NRG1: variants seen among roughly 807,000 people sequenced by gnomAD.
The protein encoded by NRG1 is pro-neuregulin-1, membrane-bound isoform.
Under a neutral mutation model 63.8 loss-of-function variants are expected in NRG1, and 18 were observed. That is an observed-to-expected ratio of 0.28 (90% CI 0.19 to 0.42). NRG1 has a LOEUF of 0.42. Ranked by LOEUF, NRG1 falls within the 10% of genes least tolerant of loss-of-function variation. The probability of loss-of-function intolerance (pLI) is 1.00; values close to 1 mark genes in which losing one functional copy is unlikely to be tolerated. For missense variants in NRG1, 762 were observed against 814.7 expected, an observed-to-expected ratio of 0.94 and a Z score of 0.79; for synonymous variants, 302 against 301.3, an observed-to-expected ratio of 1.00 and a Z score of -0.02.
At chr8:32,408,431 C>T (rs1254363519) in intron 1 of NRG1, among the ~76,000 whole-genome samples, 1 of 152,098 alleles carries the variant, frequency 6.6e-6, no homozygotes, top group Non-Finnish European at 1.5e-5. Context: ...GAGTGAGAAG[C>T]CATTCCTCAG....
intron 3 of NRG1, 110 bp from the exon 4 acceptor site, chr8:32,614,404 T>G (rs1205942280): frequency 4.0e-6 from 4 of 1,011,438 alleles, no homozygotes; most frequent in African/African-American, 3.2e-5. Flanking sequence ...CTCACTCCCT[T>G]GCAATACTTC....
At chr8:32,347,492 A>G (rs146611235) in intron 1 of NRG1, among the ~76,000 whole-genome samples, 461 of 152,326 alleles carry the variant, frequency 3.0e-3, no homozygotes, top group African/African-American at 9.8e-3. Flanking sequence ...CAGTAAATTG[A>G]TTTAGGCATC....
chr8:32,381,379 G>A (rs2129483349), intron 1 of NRG1, among the ~76,000 whole-genome samples: 1 of 152,274 alleles, frequency 6.6e-6, no homozygotes, highest in East Asian at 1.9e-4. Context: ...ATCTGATTAT[G>A]TTTGTTGGCT....
At chr8:32,727,768 T>C (rs1305027490) in intron 5 of NRG1, among the ~76,000 whole-genome samples, 181 bp from the exon 6 acceptor site, 1 of 152,224 alleles carries the variant, frequency 6.6e-6, no homozygotes, top group African/African-American at 2.4e-5. Context: ...TTTTATAATT[T>C]GATTCTATGT....
chr8:31,653,898 T>A (rs374631019), intron 1 of NRG1, among the ~76,000 whole-genome samples: 1 of 151,936 alleles, frequency 6.6e-6, no homozygotes. Flanking sequence ...ATGTAGAGAC[T>A]GTGGAGAAAT....
intron 1 of NRG1, among the ~76,000 whole-genome samples, chr8:32,034,214 GT>G (rs1430130822): frequency 6.6e-6 from 1 of 152,092 alleles, no homozygotes; most frequent in Admixed American, 6.5e-5. Context: ...TAATCATGTG[GT>G]TTTTGTCATT....
chr8:32,256,839 A>G (rs1849777047), intron 1 of NRG1, among the ~76,000 whole-genome samples: 1 of 152,186 alleles, frequency 6.6e-6, no homozygotes, highest in African/African-American at 2.4e-5. Context: ...TGCTCTCTTC[A>G]GAGCCGGCAG....
intron 1 of NRG1, among the ~76,000 whole-genome samples, chr8:32,584,019 T>C (rs1841173679): frequency 6.6e-6 from 1 of 152,100 alleles, no homozygotes; most frequent in Admixed American, 6.6e-5. Flanking sequence ...TTTCAAAAGA[T>C]TCTTTAAGGA....
intron 1 of NRG1, among the ~76,000 whole-genome samples, chr8:32,194,791 A>G (rs1270750607): frequency 6.6e-6 from 1 of 152,160 alleles, no homozygotes; most frequent in Non-Finnish European, 1.5e-5. Flanking sequence ...TTCCCTTATG[A>G]TTCCTCTTCT....
upstream of NRG1, among the ~76,000 whole-genome samples, chr8:32,544,830 C>T (rs143460403): frequency 8.8e-4 from 133 of 151,974 alleles, no homozygotes; most frequent in African/African-American, 2.8e-3. Context: ...GCCTGTCTAT[C>T]ACTTAGTTCA....
At chr8:32,131,574 A>T (rs1004111759) in intron 1 of NRG1, among the ~76,000 whole-genome samples, 2 of 152,042 alleles carry the variant, frequency 1.3e-5, no homozygotes, top group African/African-American at 4.8e-5. Context: ...TGAGTGTACA[A>T]ACCTGTGGCT....
At chr8:32,207,279 A>G (rs1844168329) in intron 1 of NRG1, among the ~76,000 whole-genome samples, 2 of 152,140 alleles carry the variant, frequency 1.3e-5, no homozygotes, top group African/African-American at 4.8e-5. Context: ...GAAAAGCAAA[A>G]CAAGTATTAT....
At chr8:32,555,705 T>G (rs953913244) in intron 1 of NRG1, among the ~76,000 whole-genome samples, 1 of 152,136 alleles carries the variant, frequency 6.6e-6, no homozygotes, top group Non-Finnish European at 1.5e-5. Context: ...TCTCCTGACC[T>G]CGTGATCCGC....
chr8:31,802,493 C>A (rs890588711), intron 1 of NRG1, among the ~76,000 whole-genome samples: 1 of 151,884 alleles, frequency 6.6e-6, no homozygotes, highest in African/African-American at 2.4e-5. Context: ...ATAGTAGAGA[C>A]TCCCAAAAAA....
chr8:32,322,364 T>C (rs1247318281), intron 1 of NRG1, among the ~76,000 whole-genome samples: 2 of 150,226 alleles, frequency 1.3e-5, no homozygotes, highest in South Asian at 2.1e-4. Context: ...TTTATATATA[T>C]ATATATATAT....
intron 1 of NRG1, among the ~76,000 whole-genome samples, chr8:32,336,018 T>TAC (rs1217019977): frequency 6.6e-6 from 1 of 151,980 alleles, no homozygotes; most frequent in East Asian, 1.9e-4. Flanking sequence ...AATTGTATCA[T>TAC]ACACACACCG....
Position 32,017,153 on chromosome 8 carries a change from C to A in NRG1, c.37+377722C>A, listed in dbSNP as rs558258384. Among the ~76,000 whole-genome samples, 22 of 152,240 alleles carry A rather than the reference C, an allele frequency of 1.4e-4. No homozygotes were observed. In the South Asian group the frequency reaches 4.6e-3, roughly 32 times the overall value. On this transcript the variant is annotated intron_variant, in intron 1 of 10. Coordinates refer to the NRG1 transcript ENST00000519301. ...TTTCCTTCATTTTACAGTTGACATT[C>A]AGAAAAAGTACATTAAAAGTACCCA...
intron 1 of NRG1, among the ~76,000 whole-genome samples, chr8:32,434,591 T>C (rs1477448624): frequency 6.6e-6 from 1 of 152,002 alleles, no homozygotes; most frequent in Non-Finnish European, 1.5e-5. Context: ...GGTGCACAGG[T>C]TTATTCTCTT....
intron 3 of NRG1, among the ~76,000 whole-genome samples, chr8:32,608,092 G>GTTTTTTT (rs1226154193): frequency 5.7e-5 from 6 of 106,156 alleles, no homozygotes; most frequent in African/African-American, 1.0e-4. Context: ...GGTTTTTTTT[G>GTTTTTTT]TTTTTTTTTT....
Sources: gnomAD v4.1 joint callset for allele counts (sites outside exome capture counted in the v4.1 genomes callset) on GRCh38, gnomAD v4.1.1 for gene constraint, MANE v1.5 for transcripts, NCBI Gene and HGNC (gene_info 2026-07-23, HGNC 2026-07-21) for gene names.